ZC3H12B: variants seen among roughly 807,000 people sequenced by gnomAD.
ZC3H12B encodes probable ribonuclease ZC3H12B.
In ZC3H12B, 7 loss-of-function variants were observed where a neutral mutation model predicts 43.9. The observed-to-expected ratio is 0.16, with a 90% CI of 0.09 to 0.30. The LOEUF is 0.30. Ranked by LOEUF, ZC3H12B falls within the 10% of genes least tolerant of loss-of-function variation. The probability of loss-of-function intolerance (pLI) is 1.00; values close to 1 mark genes in which losing one functional copy is unlikely to be tolerated. For missense variants in ZC3H12B, 475 were observed against 670.2 expected (o/e 0.71, Z 3.22); for synonymous variants, 222 against 241.7 (o/e 0.92, Z 0.76).
the ZC3H12B span, among the ~76,000 whole-genome samples, chrX:65,067,082 G>A: frequency 9.0e-6 from 1 of 110,960 alleles, no homozygotes; most frequent in Non-Finnish European, 1.9e-5. Context: ...TTGCTCTGTG[G>A]GGGTGCAACC....
At chrX:65,386,688 C>A (rs1019930013) in intron 2 of ZC3H12B, among the ~76,000 whole-genome samples, 2 of 111,397 alleles carry the variant, frequency 1.8e-5, no homozygotes, top group African/African-American at 6.5e-5. Flanking sequence ...CTTCTGCTAC[C>A]TTTTGAACGT....
intron 2 of ZC3H12B, among the ~76,000 whole-genome samples, chrX:65,370,212 C>T (rs1174948385): frequency 1.8e-5 from 2 of 112,066 alleles, no homozygotes; most frequent in African/African-American, 3.2e-5. Context: ...AATTTGTAGT[C>T]GCATCTTTAG....
At chrX:65,250,814 T>C in the ZC3H12B span, among the ~76,000 whole-genome samples, 1 of 111,784 alleles carries the variant, frequency 8.9e-6, no homozygotes, top group Non-Finnish European at 1.9e-5. Context: ...TTTGTTTGAG[T>C]TCTTTGTGGA....
the ZC3H12B span, among the ~76,000 whole-genome samples, chrX:65,038,754 A>G: frequency 9.0e-6 from 1 of 111,501 alleles, no homozygotes; most frequent in Non-Finnish European, 1.9e-5. Flanking sequence ...GTCATTCTCA[A>G]TATTTTTACC....
intron 1 of ZC3H12B, among the ~76,000 whole-genome samples, chrX:65,492,618 C>T (rs747989639): frequency 2.7e-5 from 3 of 111,942 alleles, no homozygotes; most frequent in South Asian, 7.4e-4. Flanking sequence ...CCCATTTATT[C>T]TGCAATCACA....
At chrX:65,107,199 T>C in the ZC3H12B span, among the ~76,000 whole-genome samples, 571 of 111,064 alleles carry the variant, frequency 5.1e-3, no homozygotes, top group Non-Finnish European at 8.0e-3. Flanking sequence ...CTCTTGAGAG[T>C]GGAGTGCTAC....
At chrX:65,336,615 A>G in the ZC3H12B span, among the ~76,000 whole-genome samples, 1 of 112,274 alleles carries the variant, frequency 8.9e-6, no homozygotes, top group Admixed American at 9.4e-5. Context: ...TCTGGGCAAG[A>G]TGGTCACCCT....
chrX:65,219,214 C>T, the ZC3H12B span, among the ~76,000 whole-genome samples: 1 of 111,481 alleles, frequency 9.0e-6, no homozygotes, highest in African/African-American at 3.3e-5. Flanking sequence ...ATAGTCTACC[C>T]AAATGAGAAG....
At chrX:65,359,210 C>T in the ZC3H12B span, among the ~76,000 whole-genome samples, 1 of 111,130 alleles carries the variant, frequency 9.0e-6, no homozygotes, top group Non-Finnish European at 1.9e-5. Flanking sequence ...CATCTAGTCA[C>T]GCAAGAGCTC....
intron 3 of ZC3H12B, among the ~76,000 whole-genome samples, chrX:65,429,055 G>A (rs755491895): frequency 1.8e-4 from 20 of 111,894 alleles, no homozygotes; most frequent in African/African-American, 6.2e-4. Flanking sequence ...TAGTTGCCTC[G>A]GTTTTTTTCC....
chrX:65,288,334 C>T, the ZC3H12B span, among the ~76,000 whole-genome samples: 45 of 110,916 alleles, frequency 4.1e-4, no homozygotes, highest in Non-Finnish European at 6.2e-4. Flanking sequence ...GAGGCAAAAA[C>T]CAGACAAGGA....
the ZC3H12B span, among the ~76,000 whole-genome samples, chrX:65,326,310 A>C: frequency 9.0e-6 from 1 of 111,610 alleles, no homozygotes; most frequent in African/African-American, 3.2e-5. Flanking sequence ...AACCCAATGA[A>C]CTCCGTAGAA....
the ZC3H12B span, among the ~76,000 whole-genome samples, chrX:65,161,152 A>G: frequency 1.4e-3 from 154 of 111,231 alleles, 1 homozygote; most frequent in Non-Finnish European, 2.5e-3. Context: ...CTGTTCTTTT[A>G]CATTTGCTGA....
the ZC3H12B span, among the ~76,000 whole-genome samples, chrX:65,226,788 C>A: frequency 9.0e-6 from 1 of 111,441 alleles, no homozygotes; most frequent in Non-Finnish European, 1.9e-5. Flanking sequence ...ACAAAGAAGA[C>A]CATTACATAA....
chrX:65,119,429 T>A, the ZC3H12B span, among the ~76,000 whole-genome samples: 47 of 112,445 alleles, frequency 4.2e-4, no homozygotes, highest in African/African-American at 1.5e-3. Flanking sequence ...CATGTCTCTG[T>A]TGGCTGCATA....
At chrX:65,322,754 A>AT in the ZC3H12B span, among the ~76,000 whole-genome samples, 11 of 110,179 alleles carry the variant, frequency 1.0e-4, no homozygotes, top group South Asian at 3.8e-4. Flanking sequence ...AAAGTTTAGA[A>AT]TTTTTTTTTC....
the ZC3H12B span, among the ~76,000 whole-genome samples, chrX:65,302,770 C>T: frequency 8.9e-6 from 1 of 111,875 alleles, no homozygotes; most frequent in African/African-American, 3.2e-5. Context: ...TATAAAGCTA[C>T]AGTAATCAAG....
intron 2 of ZC3H12B, among the ~76,000 whole-genome samples, chrX:65,393,547 G>C (rs1413316665): frequency 9.0e-6 from 1 of 111,697 alleles, no homozygotes; most frequent in Non-Finnish European, 1.9e-5. Context: ...AGAACGTGCA[G>C]TGTTTGGTTT....
the ZC3H12B span, among the ~76,000 whole-genome samples, chrX:65,211,192 G>C: frequency 9.3e-6 from 1 of 107,683 alleles, no homozygotes; most frequent in South Asian, 4.0e-4. Context: ...TTTCTTTGTA[G>C]ATTCTGGATA....
Sources: allele counts gnomAD v4.1 joint callset (sites outside exome capture counted in the v4.1 genomes callset), GRCh38; gene constraint gnomAD v4.1.1; transcripts MANE v1.5; gene names NCBI Gene and HGNC (gene_info 2026-07-23, HGNC 2026-07-21).